The following PTPRG variants were observed in gnomAD, a reference collection of about 807,000 sequenced individuals.
PTPRG encodes the protein protein tyrosine phosphatase receptor type G.
PTPRG carries 102 observed loss-of-function variants against 165.3 expected under a neutral mutation model. The observed-to-expected ratio is 0.62, with a 90% confidence interval of 0.53 to 0.73. PTPRG has a LOEUF of 0.73. Ranked by LOEUF, PTPRG falls within the 30% of genes least tolerant of loss-of-function variation. PTPRG has a pLI of 0.00. For synonymous variants in PTPRG, 675 were observed against 669.5 expected, an observed-to-expected ratio of 1.01 and a Z score of -0.13; for missense variants, 1,866 against 1,861.4, an observed-to-expected ratio of 1.00 and a Z score of -0.05.
intron 2 of PTPRG, among the ~76,000 whole-genome samples, chr3:61,905,568 C>A (rs778385872): frequency 6.6e-6 from 1 of 152,182 alleles, no homozygotes; most frequent in African/African-American, 2.4e-5. Flanking sequence ...TTGTTAGACA[C>A]GTAACACAAA....
chr3:61,569,047 G>C (rs1699994978), intron 1 of PTPRG, among the ~76,000 whole-genome samples: 1 of 152,172 alleles, frequency 6.6e-6, no homozygotes, highest in African/African-American at 2.4e-5. Flanking sequence ...TTGTACTTGT[G>C]GTGGGTGTGG....
intron 1 of PTPRG, among the ~76,000 whole-genome samples, chr3:61,594,490 C>A (rs1345423562): frequency 1.3e-5 from 2 of 151,944 alleles, no homozygotes; most frequent in African/African-American, 4.8e-5. Context: ...CAAATACTGC[C>A]TATTTAGAGG....
At chr3:62,198,333 ACTAAG>A (rs1332466560) in intron 10 of PTPRG, among the ~76,000 whole-genome samples, 6 of 152,242 alleles carry the variant, frequency 3.9e-5, no homozygotes, top group Non-Finnish European at 5.9e-5. Flanking sequence ...GAACTCTGCT[ACTAAG>A]CTGAGTTGGG....
At chr3:61,618,751 G>C (rs1307187155) in intron 1 of PTPRG, among the ~76,000 whole-genome samples, 3 of 152,072 alleles carry the variant, frequency 2.0e-5, no homozygotes. Flanking sequence ...GAACTTTCCA[G>C]AGACTTTCTG....
rs663368 is a variant in PTPRG at position 61,871,193 on chromosome 3, A to G, written c.191-118432A>G. 1.2e-3 allele frequency among the ~76,000 whole-genome samples: 178 copies of G among 147,064 alleles called. 1 individual carries two copies. The highest frequency in any genetic ancestry group is 4.3e-3 in the African/African-American group (166 of 38,754). On this transcript the variant is annotated intron_variant, in intron 2 of 29. Coordinates refer to ENST00000474889, the MANE Select transcript of PTPRG (RefSeq NM_002841.4). ...ATGTTATGTTATGTTATGTTATGTT[A>G]TGTTATGTTATGTTATGTTATGTTA...
chr3:61,819,629 A>T (rs1399710477), intron 2 of PTPRG, among the ~76,000 whole-genome samples: 1 of 152,210 alleles, frequency 6.6e-6, no homozygotes, highest in Non-Finnish European at 1.5e-5. Flanking sequence ...AGGGAACTTT[A>T]GTCTGATCAA....
At chr3:62,256,742 G>C (rs1576184049) in intron 16 of PTPRG, among the ~76,000 whole-genome samples, 2 of 152,114 alleles carry the variant, frequency 1.3e-5, no homozygotes, top group East Asian at 1.9e-4. Flanking sequence ...TGCAACTCCA[G>C]TTTCTCAATT....
intron 2 of PTPRG, among the ~76,000 whole-genome samples, chr3:61,889,111 C>T (rs184116041): frequency 1.2e-4 from 19 of 152,204 alleles, no homozygotes; most frequent in Admixed American, 6.5e-4. Context: ...TGTGTAAATA[C>T]CATATTTTTC....
chr3:61,599,784 G>A (rs374729611), intron 1 of PTPRG, among the ~76,000 whole-genome samples: 8 of 152,032 alleles, frequency 5.3e-5, no homozygotes, highest in South Asian at 2.1e-4. Flanking sequence ...ATGAACCACC[G>A]CACCTGGCTG....
chr3:61,976,976 T>G (rs2040523863), intron 2 of PTPRG, among the ~76,000 whole-genome samples: 1 of 152,040 alleles, frequency 6.6e-6, no homozygotes, highest in African/African-American at 2.4e-5. Context: ...GCGCCCAGCT[T>G]ATAGGGGTCT....
At chr3:62,277,822 T>G in intron 26 of PTPRG, 143 bp downstream of exon 26, 1 of 1,003,486 alleles carries the variant, frequency 1.0e-6, no homozygotes, top group East Asian at 2.6e-5. Flanking sequence ...TTGAAGTCTG[T>G]GGAGATTCCT....
chr3:61,803,447 T>G (rs2035309165), intron 2 of PTPRG, among the ~76,000 whole-genome samples: 1 of 151,370 alleles, frequency 6.6e-6, no homozygotes, highest in Admixed American at 6.6e-5. Context: ...TGGCCATATG[T>G]GCCTGGTAGC....
chr3:61,909,903 T>C (rs899214761), intron 2 of PTPRG, among the ~76,000 whole-genome samples: 2 of 152,236 alleles, frequency 1.3e-5, no homozygotes, highest in African/African-American at 4.8e-5. Flanking sequence ...TTTTAAAATT[T>C]GGACATCAGG....
chr3:61,865,377 G>A (rs1256050604), intron 2 of PTPRG, among the ~76,000 whole-genome samples: 1 of 152,170 alleles, frequency 6.6e-6, no homozygotes, highest in Admixed American at 6.5e-5. Flanking sequence ...CAAGGAATGT[G>A]TTGTTATTTT....
At chr3:61,897,090 T>C (rs951939363) in intron 2 of PTPRG, among the ~76,000 whole-genome samples, 7 of 152,172 alleles carry the variant, frequency 4.6e-5, no homozygotes, top group African/African-American at 1.7e-4. Context: ...TAGTTTTTAT[T>C]AGGCTCAGTT....
At chr3:62,096,909 TC>T (rs35124853) in intron 5 of PTPRG, among the ~76,000 whole-genome samples, 1 of 152,208 alleles carries the variant, frequency 6.6e-6, no homozygotes, top group Non-Finnish European at 1.5e-5. Flanking sequence ...TCCAAAGACC[TC>T]CCATTTAGGT....
chr3:61,887,375 C>T (rs1340432627), intron 2 of PTPRG, among the ~76,000 whole-genome samples: 1 of 151,852 alleles, frequency 6.6e-6, no homozygotes, highest in Non-Finnish European at 1.5e-5. Flanking sequence ...AAAACACATG[C>T]TAAGAATAAA....
At chr3:61,752,802 G>GAAAGAAAA (rs2033491596) in intron 2 of PTPRG, among the ~76,000 whole-genome samples, 1 of 103,712 alleles carries the variant, frequency 9.6e-6, no homozygotes, top group Non-Finnish European at 1.9e-5. Context: ...AAAAAAAAAA[G>GAAAGAAAA]AAAAAAAAAA....
Position 62,213,677 on chromosome 3 carries a change from C to T in PTPRG, c.2156-5174C>T, listed in dbSNP as rs1366360090. 6.6e-6 allele frequency among the ~76,000 whole-genome samples: 1 copy of T among 152,138 alleles called. No individual in the cohort carries two copies. The highest frequency in any genetic ancestry group is 2.1e-4 in the South Asian group (1 of 4,818). ...GAATTGCCCATCTTGTGGCACGCTGCAGCTGTTGTACCGAAAGGCCTACAG... is the reference window on the plus strand; with the variant it reads ...GAATTGCCCATCTTGTGGCACGCTGTAGCTGTTGTACCGAAAGGCCTACAG... On this transcript the variant is annotated intron_variant, in intron 12 of 29. Transcript: ENST00000474889. This position sits in a 1 kb window ranked among gnomAD's most constrained non-coding sequence, Gnocchi z 4.4.
Sources: allele counts gnomAD v4.1 joint callset (sites outside exome capture counted in the v4.1 genomes callset), GRCh38; gene constraint gnomAD v4.1.1; non-coding constraint Gnocchi (gnomAD v3.1); transcripts MANE v1.5; gene names NCBI Gene and HGNC (gene_info 2026-07-23, HGNC 2026-07-21).